THADA: variants seen among roughly 807,000 people sequenced by gnomAD.
THADA encodes THADA armadillo repeat containing.
Under a neutral mutation model 219.8 loss-of-function variants are expected in THADA, and 213 were observed. The observed-to-expected ratio is 0.97, with a 90% CI of 0.87 to 1.09. The LOEUF (loss-of-function observed/expected upper bound fraction) is 1.09. Among genes scored for constraint, THADA ranks in the 50% least tolerant of loss-of-function variants. THADA has a pLI of 0.00. For missense variants in THADA, 2,956 were observed against 2,311.3 expected, an observed-to-expected ratio of 1.28 and a Z score of -5.72; for synonymous variants, 1,018 against 828.9, an observed-to-expected ratio of 1.23 and a Z score of -3.92.
intron 30 of THADA, among the ~76,000 whole-genome samples, chr2:43,329,419 C>T (rs1679705374): frequency 6.6e-6 from 1 of 152,180 alleles, no homozygotes; most frequent in African/African-American, 2.4e-5. Context: ...GAATTTCTAA[C>T]AGCACCGTCA....
chr2:43,531,228 C>T (rs1693822621), intron 21 of THADA, among the ~76,000 whole-genome samples: 1 of 152,198 alleles, frequency 6.6e-6, no homozygotes, highest in Non-Finnish European at 1.5e-5. Flanking sequence ...GAAAACACTT[C>T]ACATCCAGAA....
At position 43,577,165 on chromosome 2, in the gene THADA, A is replaced by G; in HGVS notation, c.894T>C (p.Cys298=). 1.2e-6 allele frequency: 2 copies of G among 1,609,756 alleles called. No individual in the cohort carries two copies. Among genetic ancestry groups the G allele is most frequent in the South Asian group, 1.1e-5 (1 of 89,764 alleles). Residue 298 remains cysteine, a synonymous_variant, in exon 10 of 38, where the codon TGT becomes TGC. Coordinates refer to ENST00000405975, the MANE Select transcript of THADA (RefSeq NM_022065.5). ...EWFMSSCRSL[C]CGDISQSAVL... is the part of the protein sequence containing the mutation. ...CAGCTGACTGAGAGATGTCACCACAACAGAGGCTCCTGCAGCTGCTCATAA... is the reference window on the plus strand; with the variant it reads ...CAGCTGACTGAGAGATGTCACCACAGCAGAGGCTCCTGCAGCTGCTCATAA...
At chr2:43,443,224 T>C (rs547077490) in intron 26 of THADA, among the ~76,000 whole-genome samples, 1 of 152,014 alleles carries the variant, frequency 6.6e-6, no homozygotes, top group East Asian at 1.9e-4. Flanking sequence ...AGTTGCCGAG[T>C]GAGTGAAGCG....
chr2:43,351,620 T>A (rs1471670730), intron 29 of THADA, among the ~76,000 whole-genome samples: 1 of 152,202 alleles, frequency 6.6e-6, no homozygotes, highest in Non-Finnish European at 1.5e-5. Flanking sequence ...TACTATCCTT[T>A]TCTAGAGTAT....
chr2:43,480,654 A>C (rs909945439), intron 26 of THADA, among the ~76,000 whole-genome samples: 6 of 151,890 alleles, frequency 4.0e-5, no homozygotes, highest in Non-Finnish European at 7.4e-5. Context: ...ACTAAAAAAA[A>C]AAAATTTCAA....
intron 1 of THADA, among the ~76,000 whole-genome samples, chr2:43,593,499 C>T (rs1365089101): frequency 6.6e-6 from 1 of 152,148 alleles, no homozygotes; most frequent in East Asian, 1.9e-4. Flanking sequence ...CTAGAGAGCA[C>T]CTCCTTCAGA....
At chr2:43,387,961 C>T (rs746732599) in intron 29 of THADA, among the ~76,000 whole-genome samples, 75 of 152,192 alleles carry the variant, frequency 4.9e-4, no homozygotes, top group Admixed American at 6.5e-5. Context: ...CTTCAGGCAT[C>T]TGGGGTGGCT....
At chr2:43,395,086 G>A (rs909198628) in intron 29 of THADA, among the ~76,000 whole-genome samples, 4 of 152,248 alleles carry the variant, frequency 2.6e-5, no homozygotes, top group Non-Finnish European at 4.4e-5. Flanking sequence ...CCAGTAGCAC[G>A]TGTGGGAAAC....
At chr2:43,388,542 G>C (rs1033211022) in intron 29 of THADA, among the ~76,000 whole-genome samples, 2 of 152,198 alleles carry the variant, frequency 1.3e-5, no homozygotes, top group Non-Finnish European at 2.9e-5. Context: ...CAGACAGTGT[G>C]AGACACTGAT....
rs970892408 is a variant in THADA at position 43,570,314 on chromosome 2, T to A, written c.2187+74A>T. 16 of 1,389,548 alleles carry A rather than the reference T, an allele frequency of 1.2e-5. No homozygotes were observed. The East Asian group carries it at 3.6e-4, about 31-fold the overall frequency. The allele number at this position is 1,389,548 out of a possible 1,614,324, so 86.1% of individuals were successfully genotyped here. A position where few individuals can be genotyped will look rare whatever the true frequency, so the allele number is the denominator to read the frequency against. On this transcript the variant is annotated intron_variant, in intron 14 of 37. Coordinates refer to ENST00000405975, the MANE Select transcript of THADA (RefSeq NM_022065.5). ...CAATTTACCAAGAGACTTCCATTTA[T>A]TTCCCTTTAATGCTTATTCATAATA...
At chr2:43,248,717 A>G (rs1669515415) in intron 36 of THADA, among the ~76,000 whole-genome samples, 1 of 152,154 alleles carries the variant, frequency 6.6e-6, no homozygotes, top group African/African-American at 2.4e-5. Flanking sequence ...AAAGTTTTGT[A>G]CCTGAAGGAA....
At position 43,423,435 on chromosome 2, in the gene THADA, C is replaced by CT. The variant is rs34481568; in HGVS notation, c.4058+4664dup. 6.6e-3 allele frequency among the ~76,000 whole-genome samples: 941 copies of CT among 142,204 alleles called. 19 individuals carry two copies. The East Asian group carries it at 0.09, about 14-fold the overall frequency. The allele number at this position is 142,204 out of a possible 152,430, so 93.3% of individuals were successfully genotyped here. ...ATAAGTAGCTTTACTTTCTTTCTTT[C>CT]TTTTTTTTTTTTTTTGAGACGGAGT... On this transcript the variant is annotated intron_variant, in intron 28 of 37. Coordinates refer to ENST00000405975, the MANE Select transcript of THADA (RefSeq NM_022065.5).
chr2:43,383,391 A>G (rs1341186933), intron 29 of THADA, among the ~76,000 whole-genome samples: 1 of 152,214 alleles, frequency 6.6e-6, no homozygotes, highest in Non-Finnish European at 1.5e-5. Flanking sequence ...ACAAAGCTAT[A>G]TATGAGTTAC....
chr2:43,552,821 A>G (rs1337371468), intron 17 of THADA, among the ~76,000 whole-genome samples: 1 of 152,084 alleles, frequency 6.6e-6, no homozygotes, highest in Non-Finnish European at 1.5e-5. Context: ...AAAAAAAAAA[A>G]AGAAAACTTA....
chr2:43,399,852 G>A (rs887462169), intron 28 of THADA, among the ~76,000 whole-genome samples: 8 of 151,834 alleles, frequency 5.3e-5, no homozygotes, highest in African/African-American at 9.7e-5. Flanking sequence ...GGTGGGGGTC[G>A]GGGAGAAACT....
At chr2:43,579,622 C>T (rs1405246092) in intron 8 of THADA, among the ~76,000 whole-genome samples, 1 of 152,196 alleles carries the variant, frequency 6.6e-6, no homozygotes, top group Non-Finnish European at 1.5e-5. Context: ...CTTCAATCTT[C>T]TTTGCAACTA....
intron 26 of THADA, among the ~76,000 whole-genome samples, chr2:43,464,413 T>A (rs1683993064): frequency 6.6e-6 from 1 of 152,230 alleles, no homozygotes; most frequent in African/African-American, 2.4e-5. Flanking sequence ...AATTGTATAA[T>A]GTTGGCATTC....
intron 20 of THADA, among the ~76,000 whole-genome samples, chr2:43,547,125 T>G (rs892485305): frequency 4.6e-5 from 7 of 152,094 alleles, no homozygotes; most frequent in African/African-American, 9.7e-5. Context: ...TCTCCTTCAC[T>G]TATGAAGCTT....
chr2:43,464,077 G>A (rs952768790), intron 26 of THADA, among the ~76,000 whole-genome samples: 5 of 152,052 alleles, frequency 3.3e-5, no homozygotes, highest in Non-Finnish European at 7.4e-5. Flanking sequence ...ATTGATATAT[G>A]GTCAGAAAAT....
Sources: gnomAD v4.1 joint callset for allele counts (sites outside exome capture counted in the v4.1 genomes callset) on GRCh38, gnomAD v4.1.1 for gene constraint, MANE v1.5 for transcripts, NCBI Gene and HGNC (gene_info 2026-07-23, HGNC 2026-07-21) for gene names.